The following PTK2 variants were observed in gnomAD, a reference collection of about 807,000 sequenced individuals.
The protein encoded by PTK2 is focal adhesion kinase 1.
PTK2 carries 45 observed loss-of-function variants against 150.1 expected under a neutral mutation model. The ratio of observed to expected loss-of-function variants is 0.30; its 90% CI spans 0.24 to 0.38. The LOEUF (loss-of-function observed/expected upper bound fraction) is 0.38, where lower values mean the gene tolerates loss of function less well. PTK2 is among the 10% of genes least tolerant of loss of function. The pLI, the probability that PTK2 is intolerant of heterozygous loss-of-function variation, is 1.00. For synonymous variants in PTK2, 432 were observed against 449.2 expected (o/e 0.96, Z 0.48); for missense variants, 919 against 1,307.3 (o/e 0.70, Z 4.58).
Position 140,846,582 on chromosome 8 carries a change from T to C in PTK2, c.530+17A>G. The stretch of plus-strand genomic sequence containing the variant: ...AAATTGATAAATAAAGGCCGCAATG[T>C]ATAGTTATCATCTTACCGTATTTCT... On this transcript the variant is annotated intron_variant, in intron 6 of 31. Coordinates refer to ENST00000522684, the Ensembl canonical transcript of PTK2. 10 of 1,562,730 alleles carry C rather than the reference T, an allele frequency of 6.4e-6. No homozygotes were observed. The highest frequency in any genetic ancestry group is 8.8e-6 in the Non-Finnish European group (10 of 1,137,588).
chr8:140,745,957 G>A (rs945516700), intron 18 of PTK2, among the ~76,000 whole-genome samples: 1 of 149,598 alleles, frequency 6.7e-6, no homozygotes, highest in African/African-American at 2.5e-5. Context: ...CTGAGATCGC[G>A]CCATTGCACT....
At chr8:140,744,082 C>CT (rs5895647) in intron 19 of PTK2, among the ~76,000 whole-genome samples, 259 of 144,992 alleles carry the variant, frequency 1.8e-3, no homozygotes, top group African/African-American at 4.6e-3. Context: ...CGGCCTATTT[C>CT]TTTTTTTTTT....
At chr8:140,757,589 T>C (rs2154536674) in intron 16 of PTK2, among the ~76,000 whole-genome samples, 1 of 152,258 alleles carries the variant, frequency 6.6e-6, no homozygotes, top group East Asian at 1.9e-4. Context: ...CTAGTACACG[T>C]GTAAAGGACA....
intron 22 of PTK2, among the ~76,000 whole-genome samples, chr8:140,723,840 G>A (rs1025112472): frequency 6.6e-6 from 1 of 152,198 alleles, no homozygotes; most frequent in Admixed American, 6.5e-5. Context: ...AGCGGGGAAA[G>A]GAGTACTTTA....
chr8:140,845,043 G>A (rs1007629869), intron 7 of PTK2, among the ~76,000 whole-genome samples: 4 of 152,164 alleles, frequency 2.6e-5, no homozygotes, highest in East Asian at 3.9e-4. Flanking sequence ...CTGCTAGCCC[G>A]TGTCTCCATG....
intron 5 of PTK2, among the ~76,000 whole-genome samples, chr8:140,852,828 G>T (rs1223677528): frequency 2.0e-5 from 3 of 152,186 alleles, no homozygotes; most frequent in East Asian, 3.8e-4. Context: ...TCAGCGGCAG[G>T]TCTGGGATGC....
intron 11 of PTK2, among the ~76,000 whole-genome samples, chr8:140,803,289 C>T (rs1453075568): frequency 6.6e-6 from 1 of 151,930 alleles, no homozygotes; most frequent in African/African-American, 2.4e-5. Flanking sequence ...TGGGCCACCG[C>T]GCCTGGCCTG....
At chr8:140,710,620 G>A (rs532889231) in intron 23 of PTK2, among the ~76,000 whole-genome samples, 2 of 152,172 alleles carry the variant, frequency 1.3e-5, no homozygotes, top group South Asian at 4.2e-4. Context: ...GCGGTGAGCC[G>A]AGATCGCACC....
rs1555404832 is a variant in PTK2 at position 140,928,957 on chromosome 8, A to AATT, written c.-121-3209_-121-3208insAAT. Among the ~76,000 whole-genome samples the AATT allele has an allele frequency of 3.3e-5, 3 of 92,232 alleles. No homozygotes were observed. The East Asian group carries it at 1.1e-3, about 35-fold the overall frequency. The allele number at this position is 92,232 out of a possible 152,430, so 60.5% of individuals were successfully genotyped here. ...TTTTTTAAAATTTATTTTTATCACA[A>AATT]TTTTTTTTTTTTTTTTTTTTTTTTT... On this transcript the variant is annotated intron_variant, in intron 1 of 31. Transcript: ENST00000522684.
chr8:140,753,402 C>T (rs184013758), intron 16 of PTK2, among the ~76,000 whole-genome samples: 1 of 152,318 alleles, frequency 6.6e-6, no homozygotes, highest in African/African-American at 2.4e-5. Context: ...AGCCAAGTCA[C>T]ACAGGTGAAG....
At chr8:140,724,497 G>A (rs549586663) in intron 22 of PTK2, among the ~76,000 whole-genome samples, 1 of 152,194 alleles carries the variant, frequency 6.6e-6, no homozygotes, top group East Asian at 1.9e-4. Context: ...TTTTAAAAAA[G>A]ATTGGATTTT....
At chr8:140,944,327 C>A (rs55967138) in intron 1 of PTK2, among the ~76,000 whole-genome samples, 66,713 of 151,968 alleles carry the variant, frequency 0.44, 15,087 homozygotes, top group Admixed American at 0.55. Context: ...AAGTACAATA[C>A]TAGAGGGGAA....
chr8:140,803,888 G>A (rs2100096757), intron 10 of PTK2, among the ~76,000 whole-genome samples: 1 of 152,218 alleles, frequency 6.6e-6, no homozygotes, highest in Non-Finnish European at 1.5e-5. Flanking sequence ...CCATACATGA[G>A]TTGGATGAGT....
chr8:140,842,388 A>G (rs752770710), intron 7 of PTK2, among the ~76,000 whole-genome samples: 1 of 152,018 alleles, frequency 6.6e-6, no homozygotes, highest in Non-Finnish European at 1.5e-5. Flanking sequence ...ATCCTGATTG[A>G]CAATCAATAT....
intron 1 of PTK2, among the ~76,000 whole-genome samples, chr8:140,962,584 G>C (rs1020413940): frequency 6.6e-6 from 1 of 151,374 alleles, no homozygotes; most frequent in Non-Finnish European, 1.5e-5. Flanking sequence ...AGATCATGAG[G>C]TGAGGAGATC....
chr8:140,864,199 A>C, intron 5 of PTK2, 113 bp downstream of exon 5: 1 of 574,134 alleles, frequency 1.7e-6, no homozygotes, highest in Admixed American at 3.4e-5. Context: ...CCATTCAGCA[A>C]CAAATTTCTA....
At chr8:140,777,174 G>A (rs374320655) in intron 14 of PTK2, among the ~76,000 whole-genome samples, 1 of 152,166 alleles carries the variant, frequency 6.6e-6, no homozygotes, top group Non-Finnish European at 1.5e-5. Flanking sequence ...AAGAAATACC[G>A]GAGACTGGGT....
intron 2 of PTK2, among the ~76,000 whole-genome samples, chr8:140,902,943 T>TTTTTTG (rs2100159284): frequency 4.9e-5 from 6 of 122,700 alleles, no homozygotes; most frequent in Non-Finnish European, 7.0e-5. Context: ...TTTTTTTTTT[T>TTTTTTG]TTTTTTTTTT....
intron 14 of PTK2, among the ~76,000 whole-genome samples, chr8:140,779,741 A>G (rs907226659): frequency 2.0e-5 from 3 of 152,176 alleles, no homozygotes; most frequent in African/African-American, 7.2e-5. Flanking sequence ...AATAGGGATA[A>G]AGAGCATAAT....
Sources: gnomAD v4.1 joint callset for allele counts (sites outside exome capture counted in the v4.1 genomes callset) on GRCh38, gnomAD v4.1.1 for gene constraint, MANE v1.5 for transcripts, NCBI Gene and HGNC (gene_info 2026-07-23, HGNC 2026-07-21) for gene names.